The following ATP8A2 variants were observed in gnomAD, a reference collection of about 807,000 sequenced individuals.
ATP8A2 encodes the protein ATPase phospholipid transporting 8A2.
Under a neutral mutation model 165.6 loss-of-function variants are expected in ATP8A2, and 100 were observed. That is an observed-to-expected ratio of 0.60 (90% CI 0.51 to 0.71). The LOEUF (loss-of-function observed/expected upper bound fraction) is 0.71, where lower values mean the gene tolerates loss of function less well. Among genes scored for constraint, ATP8A2 ranks in the 30% least tolerant of loss-of-function variants. ATP8A2 has a pLI of 0.00. For missense variants in ATP8A2, 1,227 were observed against 1,479.5 expected (o/e 0.83, Z 2.80); for synonymous variants, 543 against 548.8 (o/e 0.99, Z 0.15).
intron 34 of ATP8A2, 40 bp from the exon 35 acceptor site, chr13:25,968,535 C>A: frequency 6.4e-7 from 1 of 1,567,094 alleles, no homozygotes; most frequent in South Asian, 1.2e-5. Flanking sequence ...TGTGTCAAGT[C>A]TCTATGCCAT....
At chr13:25,796,830 A>G (rs1051109646) in intron 27 of ATP8A2, among the ~76,000 whole-genome samples, 1 of 152,154 alleles carries the variant, frequency 6.6e-6, no homozygotes, top group Admixed American at 6.5e-5. Context: ...ATTATATTTT[A>G]TTTAGTTCTT....
chr13:25,856,587 T>G (rs2138735804), intron 30 of ATP8A2, among the ~76,000 whole-genome samples: 1 of 152,302 alleles, frequency 6.6e-6, no homozygotes, highest in Non-Finnish European at 1.5e-5. Context: ...TTTTAAAAAT[T>G]TTTATTATGT....
intron 1 of ATP8A2, among the ~76,000 whole-genome samples, chr13:25,382,942 A>T (rs1284469825): frequency 6.7e-6 from 1 of 148,986 alleles, no homozygotes; most frequent in Non-Finnish European, 1.5e-5. Flanking sequence ...TTTTTAGTGG[A>T]GACGGGGTTT....
At chr13:25,791,952 G>T (rs1011013956) in intron 27 of ATP8A2, among the ~76,000 whole-genome samples, 1 of 152,032 alleles carries the variant, frequency 6.6e-6, no homozygotes, top group African/African-American at 2.4e-5. Flanking sequence ...AGCTAACCTA[G>T]CCACCTTCTA....
chr13:25,902,328 C>T (rs1953778844), intron 33 of ATP8A2, among the ~76,000 whole-genome samples: 1 of 152,082 alleles, frequency 6.6e-6, no homozygotes, highest in Non-Finnish European at 1.5e-5. Context: ...TAACCCCTTC[C>T]CAAAGCCTTG....
chr13:26,002,044 G>A (rs1354366520), intron 35 of ATP8A2, among the ~76,000 whole-genome samples: 1 of 151,950 alleles, frequency 6.6e-6, no homozygotes, highest in African/African-American at 2.4e-5. Context: ...AAGCCTCTGG[G>A]GTACAAAGTT....
intron 1 of ATP8A2, among the ~76,000 whole-genome samples, chr13:25,406,571 A>G (rs1041468426): frequency 6.6e-6 from 1 of 152,208 alleles, no homozygotes; most frequent in East Asian, 1.9e-4. Flanking sequence ...GGGCACTCAT[A>G]TATCTGCCTG....
At chr13:25,921,824 A>G (rs986870604) in intron 33 of ATP8A2, among the ~76,000 whole-genome samples, 1 of 152,168 alleles carries the variant, frequency 6.6e-6, no homozygotes, top group Non-Finnish European at 1.5e-5. Context: ...ATTTGATCGA[A>G]TGTGTATTAA....
intron 1 of ATP8A2, among the ~76,000 whole-genome samples, chr13:25,437,675 C>T (rs558402364): frequency 5.9e-5 from 9 of 152,128 alleles, no homozygotes; most frequent in Non-Finnish European, 1.3e-4. Flanking sequence ...ACCTTACCAT[C>T]AAACAGAATT....
intron 25 of ATP8A2, 138 bp downstream of exon 25, chr13:25,699,483 T>C: frequency 1.5e-6 from 1 of 666,106 alleles, no homozygotes; most frequent in East Asian, 3.1e-5. Context: ...ACAAATTTAT[T>C]TTTAACTGTT....
chr13:25,909,343 G>C (rs1247706532), intron 33 of ATP8A2, among the ~76,000 whole-genome samples: 1 of 152,134 alleles, frequency 6.6e-6, no homozygotes, highest in African/African-American at 2.4e-5. Context: ...AGACTTATTT[G>C]ATAACTACAC....
At chr13:25,632,343 G>T (rs1038011659) in intron 24 of ATP8A2, among the ~76,000 whole-genome samples, 1 of 152,066 alleles carries the variant, frequency 6.6e-6, no homozygotes. Context: ...GAGGTTGAGG[G>T]GTGGGGCTGG....
At position 25,643,844 on chromosome 13, in the gene ATP8A2, G is replaced by A. The variant is rs552808032; in HGVS notation, c.2211+54145G>A. Among the ~76,000 whole-genome samples, 16 of 151,440 alleles carry A rather than the reference G, an allele frequency of 1.1e-4. No homozygotes were observed. The South Asian group carries it at 3.3e-3, about 32-fold the overall frequency. The stretch of plus-strand genomic sequence containing the variant: ...TTATATTGACTCTTTAGCATGCCTT[G>A]TGTAGCATGGACAATTTAACAATAT... On this transcript the variant is annotated intron_variant, in intron 24 of 36. Coordinates refer to ENST00000381655, the MANE Select transcript of ATP8A2 (RefSeq NM_016529.6).
chr13:25,982,379 A>C (rs1304930214), intron 35 of ATP8A2, among the ~76,000 whole-genome samples: 1 of 152,222 alleles, frequency 6.6e-6, no homozygotes, highest in African/African-American at 2.4e-5. Context: ...AAGATTGCAG[A>C]CACGAAAGCA....
chr13:25,961,291 G>T (rs144920950), intron 33 of ATP8A2, among the ~76,000 whole-genome samples: 2 of 152,266 alleles, frequency 1.3e-5, no homozygotes, highest in Non-Finnish European at 2.9e-5. Flanking sequence ...CTTTAGGAAG[G>T]ATTTAAGACA....
Position 26,025,647 on chromosome 13 carries a change from C to T in ATP8A2, c.*5662C>T, listed in dbSNP as rs375771241. ...CCCTCTAGAAGTGTTACCGTTTTCA[C>T]GTCCTATTAATGTCCTCTGGTTGTT... On this transcript the variant is annotated 3_prime_UTR_variant, in exon 37 of 37. Coordinates refer to ENST00000381655, the MANE Select transcript of ATP8A2 (RefSeq NM_016529.6). 1 of 152,192 alleles carries T rather than the reference C, an allele frequency of 6.6e-6. No individual in the cohort carries two copies. Among genetic ancestry groups the T allele is most frequent in the Non-Finnish European group, 1.5e-5 (1 of 68,048 alleles). The allele number at this position is 152,192 out of a possible 1,614,324, so 9.4% of individuals were successfully genotyped here. A position where few individuals can be genotyped will look rare whatever the true frequency, so the allele number is the denominator to read the frequency against.
chr13:25,792,859 G>T (rs144127000), intron 27 of ATP8A2, among the ~76,000 whole-genome samples: 2,815 of 151,904 alleles, frequency 0.019, 64 homozygotes, highest in South Asian at 0.07. Context: ...ATGAGGTCGA[G>T]GCTGCAGTGA....
chr13:25,831,216 CTTTTTTT>C (rs71759758), intron 28 of ATP8A2, among the ~76,000 whole-genome samples: 3 of 133,492 alleles, frequency 2.2e-5, no homozygotes, highest in Non-Finnish European at 3.1e-5. Flanking sequence ...AACTAATTTT[CTTTTTTT>C]TTTTTTTTTG....
chr13:25,780,842 G>A (rs1362285732), intron 27 of ATP8A2, among the ~76,000 whole-genome samples: 2 of 152,094 alleles, frequency 1.3e-5, no homozygotes, highest in African/African-American at 4.8e-5. Context: ...AATATTGCCC[G>A]CTAGCCCTCC....
Sources: allele counts gnomAD v4.1 joint callset (sites outside exome capture counted in the v4.1 genomes callset), GRCh38; gene constraint gnomAD v4.1.1; transcripts MANE v1.5; gene names NCBI Gene and HGNC (gene_info 2026-07-23, HGNC 2026-07-21).